Variants in ZYG11A observed in about 807,000 individuals in gnomAD.
The protein encoded by ZYG11A is zyg-11 family member A, cell cycle regulator.
A neutral mutation model predicts 77.2 loss-of-function variants in ZYG11A; 62 were observed. That is an observed-to-expected ratio of 0.80 (90% CI 0.65 to 0.99). The LOEUF is 0.99. Among genes scored for constraint, ZYG11A ranks in the 50% least tolerant of loss-of-function variants. The pLI is 0.00. For synonymous variants in ZYG11A, 315 were observed against 324.6 expected (o/e 0.97, Z 0.32); for missense variants, 828 against 896.8 (o/e 0.92, Z 0.98).
At chr1:52,863,166 G>A (rs1645962214) in intron 4 of ZYG11A, among the ~76,000 whole-genome samples, 1 of 152,170 alleles carries the variant, frequency 6.6e-6, no homozygotes, top group Non-Finnish European at 1.5e-5. Flanking sequence ...CATAGCAGAA[G>A]TATATCCCAG....
At chr1:52,881,811 C>G in intron 11 of ZYG11A, 146 bp downstream of exon 11, 1 of 602,110 alleles carries the variant, frequency 1.7e-6, no homozygotes, top group Non-Finnish European at 2.7e-6. Flanking sequence ...CCATCCAAAA[C>G]TATCTCTGTT....
chr1:52,882,034 A>G (rs911659472), intron 11 of ZYG11A, among the ~76,000 whole-genome samples: 1 of 152,204 alleles, frequency 6.6e-6, no homozygotes, highest in East Asian at 1.9e-4. Context: ...AGCTGAGACT[A>G]TAGGTGTGTG....
At chr1:52,847,075 C>T (rs550952017) in intron 1 of ZYG11A, among the ~76,000 whole-genome samples, 4 of 151,216 alleles carry the variant, frequency 2.6e-5, no homozygotes, top group East Asian at 2.0e-4. Context: ...CTCAAACTCC[C>T]GACCTCAGGT....
chr1:52,886,630 C>A (rs1646455696), intron 12 of ZYG11A, among the ~76,000 whole-genome samples: 1 of 150,276 alleles, frequency 6.7e-6, no homozygotes, highest in Non-Finnish European at 1.5e-5. Flanking sequence ...ACTTCCCAGG[C>A]TCAAGTGATC....
In ZYG11A at chr1:52,869,964, A is replaced by ACC. The variant is rs544972436; in HGVS notation, c.1542+2195_1542+2196dup. Reference sequence around the variant, plus strand: ...GGGTGGCTGGCCGGGCGGGGGGCTGACCCCCCCCCACCCCCCTCCCGGGCG... The same window carrying ACC: ...GGGTGGCTGGCCGGGCGGGGGGCTGACCCCCCCCCCCACCCCCCTCCCGGGCG... On this transcript the variant is annotated intron_variant, in intron 8 of 13. Transcript: ENST00000371528. Among the ~76,000 whole-genome samples, 494 of 51,446 alleles carry ACC rather than the reference A, an allele frequency of 9.6e-3. 17 individuals carry two copies. Among genetic ancestry groups the ACC allele is most frequent in the African/African-American group, 0.02 (430 of 21,408 alleles). The allele number at this position is 51,446 out of a possible 152,430, so 33.8% of individuals were successfully genotyped here.
chr1:52,847,984 C>G (rs1053664932), intron 1 of ZYG11A, among the ~76,000 whole-genome samples: 1 of 152,072 alleles, frequency 6.6e-6, no homozygotes, highest in Admixed American at 6.6e-5. Flanking sequence ...ATTCTCCTGC[C>G]CCAGCCTCCT....
chr1:52,876,968 T>C (rs1646272362), intron 8 of ZYG11A, among the ~76,000 whole-genome samples: 1 of 152,194 alleles, frequency 6.6e-6, no homozygotes, highest in African/African-American at 2.4e-5. Context: ...AATGGTACTT[T>C]GCAGTCTGTT....
chr1:52,878,551 TAGG>T (rs1181444089), intron 10 of ZYG11A, among the ~76,000 whole-genome samples: 5 of 152,164 alleles, frequency 3.3e-5, no homozygotes, highest in Non-Finnish European at 7.3e-5. Context: ...TATACAGGGA[TAGG>T]AGAAGTTGTG....
chr1:52,869,902 CA>C lies in ZYG11A; in HGVS notation c.1542+2126del, dbSNP rs1557445375. On this transcript the variant is annotated intron_variant, in intron 8 of 13. Coordinates refer to ENST00000371528, the MANE Select transcript of ZYG11A (RefSeq NM_001004339.3). ...CTCCCGGACGGGGCGGCTGGCCGGG[CA>C]GGGGGCTGACCCCCCCCACACCTCC... 1.1e-3 allele frequency among the ~76,000 whole-genome samples: 88 copies of C among 78,156 alleles called. 1 individual carries two copies. The highest frequency in any genetic ancestry group is 3.7e-3 in the African/African-American group (81 of 21,746). The allele number at this position is 78,156 out of a possible 152,430, so 51.3% of individuals were successfully genotyped here. A position where few individuals can be genotyped will look rare whatever the true frequency, so the allele number is the denominator to read the frequency against.
chr1:52,851,882 G>C (rs1392734389), intron 1 of ZYG11A, among the ~76,000 whole-genome samples: 1 of 150,906 alleles, frequency 6.6e-6, no homozygotes, highest in East Asian at 1.9e-4. Flanking sequence ...TGAGTAGCTG[G>C]GATTACAGGC....
At chr1:52,866,938 T>A (rs1408301275) in intron 6 of ZYG11A, among the ~76,000 whole-genome samples, 2 of 152,232 alleles carry the variant, frequency 1.3e-5, no homozygotes, top group Non-Finnish European at 2.9e-5. Context: ...ATTAGTAATT[T>A]ATTCATTTTG....
rs539585248 is a variant in ZYG11A at position 52,843,692 on chromosome 1, T to C, written c.90+719T>C. Among the ~76,000 whole-genome samples the C allele has an allele frequency of 6.8e-5, 10 of 147,236 alleles. No individual in the cohort carries two copies. In the East Asian group the frequency reaches 7.8e-4, roughly 12 times the overall value. On this transcript the variant is annotated intron_variant, in intron 1 of 13. Transcript: ENST00000371528. The stretch of plus-strand genomic sequence containing the variant: ...TCGCCTTTCTTTTCTTTCTTTCTTT[T>C]TTTTTTTTTTTTTGAGACGGAGTCT...
chr1:52,887,741 A>G (rs928417655), intron 13 of ZYG11A, among the ~76,000 whole-genome samples: 2 of 151,990 alleles, frequency 1.3e-5, no homozygotes, highest in Non-Finnish European at 2.9e-5. Context: ...AAAAAAAATT[A>G]GCCAGGTATG....
chr1:52,847,017 T>A (rs1374601807), intron 1 of ZYG11A, among the ~76,000 whole-genome samples: 1 of 151,694 alleles, frequency 6.6e-6, no homozygotes, highest in East Asian at 1.9e-4. Context: ...CTGGCTAATT[T>A]TTGTATTTTT....
chr1:52,872,003 T>C (rs1646176347), intron 8 of ZYG11A, among the ~76,000 whole-genome samples: 1 of 152,204 alleles, frequency 6.6e-6, no homozygotes, highest in Non-Finnish European at 1.5e-5. Context: ...TAATATCAAG[T>C]ATTAGGTTTA....
At chr1:52,890,686 T>G (rs994089904) in intron 13 of ZYG11A, among the ~76,000 whole-genome samples, 2 of 151,446 alleles carry the variant, frequency 1.3e-5, no homozygotes, top group Admixed American at 6.6e-5. Context: ...AGCTCACTGC[T>G]GCTTCAACCT....
In ZYG11A at chr1:52,870,232, C is replaced by G. The variant is rs1041475522; in HGVS notation, c.1542+2455C>G. 2.5e-4 allele frequency among the ~76,000 whole-genome samples: 34 copies of G among 137,012 alleles called. 1 individual carries two copies. Among genetic ancestry groups the G allele is most frequent in the African/African-American group, 8.4e-4 (33 of 39,388 alleles). The allele number at this position is 137,012 out of a possible 152,430, so 89.9% of individuals were successfully genotyped here. A position where few individuals can be genotyped will look rare whatever the true frequency, so the allele number is the denominator to read the frequency against. On this transcript the variant is annotated intron_variant, in intron 8 of 13. Transcript: ENST00000371528. ...CGTCACTTCCTAGATGGGATGGCGG[C>G]CGGGCAGAGACGCTCCTCACTTTCC... is the stretch of plus-strand genomic sequence containing the variant.
At chr1:52,884,991 C>T (rs1250687611) in intron 11 of ZYG11A, among the ~76,000 whole-genome samples, 1 of 152,058 alleles carries the variant, frequency 6.6e-6, no homozygotes, top group Non-Finnish European at 1.5e-5. Flanking sequence ...TCACTGCAAC[C>T]TCTGCCTCCT....
chr1:52,878,981 C>CA (rs796989024), intron 10 of ZYG11A, among the ~76,000 whole-genome samples: 20 of 133,560 alleles, frequency 1.5e-4, no homozygotes, highest in African/African-American at 5.3e-4. Flanking sequence ...AAAAACAAAC[C>CA]AAAAAACTCA....
Sources: gnomAD v4.1 joint callset for allele counts (sites outside exome capture counted in the v4.1 genomes callset) on GRCh38, gnomAD v4.1.1 for gene constraint, MANE v1.5 for transcripts, NCBI Gene and HGNC (gene_info 2026-07-23, HGNC 2026-07-21) for gene names.